The following TFEB variants were observed in gnomAD, a reference collection of about 807,000 sequenced individuals.
TFEB encodes T-cell transcription factor EB.
Under a neutral mutation model 48.0 loss-of-function variants are expected in TFEB, and 12 were observed. The observed-to-expected ratio is 0.25, with a 90% CI of 0.16 to 0.40. The LOEUF is 0.40. Ranked by LOEUF, TFEB falls within the 10% of genes least tolerant of loss-of-function variation. TFEB has a pLI of 1.00. For missense variants in TFEB, 509 were observed against 640.3 expected, an observed-to-expected ratio of 0.79 and a Z score of 2.21; for synonymous variants, 244 against 261.4, an observed-to-expected ratio of 0.93 and a Z score of 0.64.
In TFEB at chr6:41,691,714, T is replaced by A. The variant is rs1459929264; in HGVS notation, c.-22-479A>T. 2.0e-5 allele frequency among the ~76,000 whole-genome samples: 3 copies of A among 152,230 alleles called. No homozygotes were observed. Among genetic ancestry groups the A allele is most frequent in the Admixed American group, 2.0e-4 (3 of 15,294 alleles). On this transcript the variant is annotated intron_variant, in intron 1 of 8. Transcript: ENST00000373033. The surrounding 1 kb of genome is among the most constrained non-coding windows in gnomAD (Gnocchi z 5.2). ...GTAGAGCAACTCATTTAACTCCTGT[T>A]AAATCCTAAGTCAGATCCTGTCTTC...
chr6:41,711,469 G>T (rs909842837), intron 1 of TFEB, among the ~76,000 whole-genome samples: 1 of 152,104 alleles, frequency 6.6e-6, no homozygotes, highest in Non-Finnish European at 1.5e-5. Context: ...TCCCAGGTGG[G>T]GTATGAAAGG....
chr6:41,707,793 T>G (rs1259010119), intron 1 of TFEB, among the ~76,000 whole-genome samples: 1 of 152,176 alleles, frequency 6.6e-6, no homozygotes, highest in Admixed American at 6.5e-5. Context: ...CTGAATTGTA[T>G]CCTGTTCCTG....
chr6:41,696,565 G>A (rs949840412), intron 1 of TFEB, among the ~76,000 whole-genome samples: 2 of 152,046 alleles, frequency 1.3e-5, no homozygotes, highest in Non-Finnish European at 2.9e-5. Flanking sequence ...GTGGTGGTGT[G>A]CACCTGTAGT....
rs1771510573 is a variant in TFEB, at chr6:41,732,832, C to T, written c.-23+2518G>A. 5 of 985,932 alleles carry T rather than the reference C, an allele frequency of 5.1e-6. No individual in the cohort carries two copies. The South Asian group carries it at 1.9e-4, about 37-fold the overall frequency. The allele number at this position is 985,932 out of a possible 1,614,324, so 61.1% of individuals were successfully genotyped here. On this transcript the variant is annotated intron_variant, in intron 1 of 8. Coordinates refer to ENST00000373033, the MANE Select transcript of TFEB (RefSeq NM_001271944.2). Reference sequence around the variant, plus strand: ...ACTCCCACCCTCCGATCAGAGGAGGCCAACCCAATTTCCATGGTCATCTCC... The same window carrying T: ...ACTCCCACCCTCCGATCAGAGGAGGTCAACCCAATTTCCATGGTCATCTCC...
In TFEB at chr6:41,686,831, T is replaced by G. The variant is rs543397307; in HGVS notation, c.803+263A>C. The G allele has an allele frequency of 5.3e-4, 281 of 527,760 alleles. 4 individuals are homozygous for G. Among genetic ancestry groups the G allele is most frequent in the South Asian group, 4.2e-3 (185 of 44,432 alleles). The allele number at this position is 527,760 out of a possible 1,614,324, so 32.7% of individuals were successfully genotyped here. A position where few individuals can be genotyped will look rare whatever the true frequency, so the allele number is the denominator to read the frequency against. ...CCTCTTGTCTGCCAGCCCAATGGCCTTAAGAAAACTTTCTCAGCATGACTG... is the reference window on the plus strand; with the variant it reads ...CCTCTTGTCTGCCAGCCCAATGGCCGTAAGAAAACTTTCTCAGCATGACTG... On this transcript the variant is annotated intron_variant, in intron 7 of 8. Transcript: ENST00000373033.
chr6:41,709,289 G>A (rs1004466824), intron 1 of TFEB, among the ~76,000 whole-genome samples: 15 of 149,732 alleles, frequency 1.0e-4, no homozygotes, highest in South Asian at 4.2e-4. Flanking sequence ...CTAGCTGTGT[G>A]ACCTTCATCA....
rs1343522427 is a variant in TFEB, at chr6:41,686,772, T to C, written c.803+322A>G. Reference sequence around the variant, plus strand: ...CTCAAGTGATCTGCCTGCCTCAGCTTCCCACAGTGCTGGGATTATAGGCGT... The same window carrying C: ...CTCAAGTGATCTGCCTGCCTCAGCTCCCCACAGTGCTGGGATTATAGGCGT... On this transcript the variant is annotated intron_variant, in intron 7 of 8. Transcript: ENST00000373033. The C allele has an allele frequency of 1.1e-5, 4 of 369,060 alleles. No homozygotes were observed. The Admixed American group carries it at 1.5e-4, about 14-fold the overall frequency. The allele number at this position is 369,060 out of a possible 1,614,324, so 22.9% of individuals were successfully genotyped here. A position where few individuals can be genotyped will look rare whatever the true frequency, so the allele number is the denominator to read the frequency against.
chr6:41,732,714 T>C (rs1335693678), intron 1 of TFEB: 1 of 985,580 alleles, frequency 1.0e-6, no homozygotes, highest in Non-Finnish European at 1.2e-6. Flanking sequence ...TGTTTTCATC[T>C]CCCTCCTCTC....
In TFEB at chr6:41,687,738, C is replaced by T. The variant is rs1438170123; in HGVS notation, c.727+15G>A. The stretch of plus-strand genomic sequence containing the variant: ...AGGAAGAGGGAGGCAGGGAGAGGGG[C>T]GGGGCAGGACTCACTTAAGTTGTGA... On this transcript the variant is annotated intron_variant, in intron 6 of 8. Transcript: ENST00000373033. 5.0e-6 allele frequency: 8 copies of T among 1,613,826 alleles called. No individual in the cohort carries two copies. The highest frequency in any genetic ancestry group is 2.2e-5 in the South Asian group (2 of 91,032).
chr6:41,715,650 A>C (rs1179142103), intron 1 of TFEB, among the ~76,000 whole-genome samples: 9 of 151,500 alleles, frequency 5.9e-5, no homozygotes, highest in African/African-American at 2.2e-4. Context: ...AGCCTGGGCG[A>C]CAGAGCGAGA....
chr6:41,709,627 T>G (rs1472481811), intron 1 of TFEB, among the ~76,000 whole-genome samples: 3 of 151,540 alleles, frequency 2.0e-5, no homozygotes, highest in Admixed American at 2.0e-4. Flanking sequence ...GATATAATGG[T>G]GGGTGGATGG....
chr6:41,733,507 G>T, intron 1 of TFEB: 2 of 512,900 alleles, frequency 3.9e-6, no homozygotes, highest in Non-Finnish European at 5.0e-6. Context: ...TCGGGGAGAA[G>T]CAGAGCATGG....
In TFEB at chr6:41,723,418, C is replaced by G. The variant is rs1287797071; in HGVS notation, c.-23+11932G>C. ...ACACACATTCACACACATGCTCACA[C>G]ACATGCACACACTCACACACATGCA... On this transcript the variant is annotated intron_variant, in intron 1 of 8. Transcript: ENST00000373033. The surrounding 1 kb of genome is among the most constrained non-coding windows in gnomAD (Gnocchi z 6.0). 1 of 1,160,592 alleles carries G rather than the reference C, an allele frequency of 8.6e-7. No homozygotes were observed. Among genetic ancestry groups the G allele is most frequent in the Admixed American group, 2.3e-5 (1 of 43,364 alleles). The allele number at this position is 1,160,592 out of a possible 1,614,324, so 71.9% of individuals were successfully genotyped here.
At chr6:41,726,569 A>C (rs1349629056) in intron 1 of TFEB, among the ~76,000 whole-genome samples, 3 of 151,916 alleles carry the variant, frequency 2.0e-5, no homozygotes, top group Admixed American at 6.6e-5. Flanking sequence ...TTAGCCTCCC[A>C]AGCTGGAATT....
intron 1 of TFEB, among the ~76,000 whole-genome samples, chr6:41,715,721 C>A (rs1287986466): frequency 1.3e-5 from 2 of 152,052 alleles, no homozygotes; most frequent in Non-Finnish European, 2.9e-5. Context: ...TCCCATGCTC[C>A]CAGTACAGGG....
At position 41,687,547 on chromosome 6, in the gene TFEB, A is replaced by T. The variant is rs1769074251; in HGVS notation, c.727+206T>A. Reference sequence around the variant, plus strand: ...TCCCTTACAGGAATCCTTCCTACCCACTCCTAAAGAGGCCTAGTGGAAAGA... The same window carrying T: ...TCCCTTACAGGAATCCTTCCTACCCTCTCCTAAAGAGGCCTAGTGGAAAGA... On this transcript the variant is annotated intron_variant, in intron 6 of 8. Transcript: ENST00000373033. 2.4e-5 allele frequency: 16 copies of T among 680,372 alleles called. No homozygotes were observed. In the South Asian group the frequency reaches 2.8e-4, roughly 12 times the overall value. 42.1% of individuals were successfully genotyped at this position (680,372 alleles called of 1,614,324 possible).
chr6:41,733,415 C>T (rs1304706416), intron 1 of TFEB: 2 of 183,406 alleles, frequency 1.1e-5, no homozygotes, highest in Non-Finnish European at 2.1e-5. Flanking sequence ...CCATTTGGCT[C>T]CGTCTCCCAG....
intron 6 of TFEB, 59 bp from the exon 7 acceptor site, chr6:41,687,228 GGGAGAA>G: frequency 6.4e-7 from 1 of 1,552,242 alleles, no homozygotes; most frequent in Non-Finnish European, 8.9e-7. Flanking sequence ...CCACCCCATG[GGGAGAA>G]GTACCCAGCC....
In TFEB at chr6:41,724,870, C is replaced by T. The variant is rs189849847; in HGVS notation, c.-23+10480G>A. 6.6e-4 allele frequency among the ~76,000 whole-genome samples: 100 copies of T among 152,276 alleles called. No homozygotes were observed. Among genetic ancestry groups the T allele is most frequent in the African/African-American group, 1.9e-3 (78 of 41,566 alleles). On this transcript the variant is annotated intron_variant, in intron 1 of 8. Transcript: ENST00000373033. This position sits in a 1 kb window ranked among gnomAD's most constrained non-coding sequence, Gnocchi z 4.4. ...CACGAACCAGGACTGAGGTTCACAG[C>T]GGTCACCTGATGCCTCCAGCTTGGT...
Sources: allele counts gnomAD v4.1 joint callset (sites outside exome capture counted in the v4.1 genomes callset), GRCh38; gene constraint gnomAD v4.1.1; non-coding constraint Gnocchi (gnomAD v3.1); transcripts MANE v1.5; gene names NCBI Gene and HGNC (gene_info 2026-07-23, HGNC 2026-07-21).